Variants in MRPS31 observed in about 807,000 individuals in gnomAD.
MRPS31 encodes the protein small ribosomal subunit protein mS31.
A neutral mutation model predicts 43.1 loss-of-function variants in MRPS31; 32 were observed. The observed-to-expected ratio is 0.74, with a 90% CI of 0.56 to 1.00. MRPS31 has a LOEUF of 1.00. MRPS31 is among the 50% of genes least tolerant of loss of function. The pLI is 0.00. For synonymous variants in MRPS31, 165 were observed against 161.6 expected (o/e 1.02, Z -0.16); for missense variants, 437 against 466.7 (o/e 0.94, Z 0.59).
intron 6 of MRPS31, among the ~76,000 whole-genome samples, chr13:40,737,730 T>C (rs190254519): frequency 0.03 from 4,562 of 152,190 alleles, 173 homozygotes; most frequent in East Asian, 0.14. Context: ...AGATGTTCTT[T>C]GAAACCAACG....
rs139132937 is a variant in MRPS31, at chr13:40,750,000, G to A, written c.815-719C>T. ...AATATATCTATTATTCAACATAGTC[G>A]TTTCATCCCTGGATATATTCACCCA... On this transcript the variant is annotated intron_variant, in intron 5 of 6. Coordinates refer to ENST00000323563, the MANE Select transcript of MRPS31 (RefSeq NM_005830.4). Among the ~76,000 whole-genome samples, 25 of 152,218 alleles carry A rather than the reference G, an allele frequency of 1.6e-4. No individual in the cohort carries two copies. In the East Asian group the frequency reaches 1.9e-3, roughly 12 times the overall value.
chr13:40,737,764 A>C (rs1166585199), intron 6 of MRPS31, among the ~76,000 whole-genome samples: 1 of 152,140 alleles, frequency 6.6e-6, no homozygotes, highest in Non-Finnish European at 1.5e-5. Flanking sequence ...AACAAACCAG[A>C]ATCTCTGGGA....
chr13:40,739,527 G>A (rs940080752), intron 6 of MRPS31, among the ~76,000 whole-genome samples: 1 of 152,118 alleles, frequency 6.6e-6, no homozygotes, highest in African/African-American at 2.4e-5. Context: ...CACACTACCT[G>A]ACTTCAAACT....
At chr13:40,754,349 T>A (rs1409637110) in intron 4 of MRPS31, among the ~76,000 whole-genome samples, 10 of 152,240 alleles carry the variant, frequency 6.6e-5, no homozygotes, top group Admixed American at 1.3e-4. Flanking sequence ...AAGATTAGCT[T>A]AATTTGCCAT....
intron 6 of MRPS31, among the ~76,000 whole-genome samples, chr13:40,734,996 G>C (rs1440046402): frequency 1.1e-4 from 16 of 152,208 alleles, no homozygotes; most frequent in Admixed American, 1.0e-3. Flanking sequence ...GAAGACGGGT[G>C]ATTTCTGCAT....
intron 2 of MRPS31, among the ~76,000 whole-genome samples, chr13:40,763,280 G>A (rs559260275): frequency 1.3e-5 from 2 of 152,280 alleles, no homozygotes; most frequent in East Asian, 3.9e-4. Flanking sequence ...TTCTCAGTGG[G>A]AGTTATTGTA....
intron 6 of MRPS31, among the ~76,000 whole-genome samples, chr13:40,734,480 A>G (rs1293291790): frequency 6.6e-6 from 1 of 152,246 alleles, no homozygotes; most frequent in East Asian, 1.9e-4. Context: ...GAGAGGCTGT[A>G]TGAAATGTAG....
chr13:40,749,779 A>G (rs1444497974), intron 5 of MRPS31, among the ~76,000 whole-genome samples: 19 of 152,196 alleles, frequency 1.2e-4, no homozygotes, highest in Non-Finnish European at 1.5e-4. Context: ...TAATCCTCAC[A>G]ACAAACCCTA....
rs1256305040 is a variant in MRPS31, at chr13:40,754,080, G to A, written c.753C>T (p.Phe251=). 6.3e-7 allele frequency: 1 copy of A among 1,577,610 alleles called. No homozygotes were observed. Among genetic ancestry groups the A allele is most frequent in the Non-Finnish European group, 8.6e-7 (1 of 1,156,870 alleles). Residue 251 remains phenylalanine, a synonymous_variant, in exon 5 of 7, where the codon TTC becomes TTT. Coordinates refer to ENST00000323563, the MANE Select transcript of MRPS31 (RefSeq NM_005830.4). The part of the protein sequence containing the change: ...TDDLKKRKNI[F]TGKRLNIFDM... ...CAAAAATATTAAGTCTTTTCCCTGT[G>A]AATATATTTTTCCTAAGTCCAAAAA...
intron 2 of MRPS31, among the ~76,000 whole-genome samples, chr13:40,759,328 C>T (rs547112637): frequency 7.9e-5 from 12 of 152,060 alleles, no homozygotes; most frequent in Non-Finnish European, 1.6e-4. Context: ...GTGCCGGCTA[C>T]TCGGGAGGCT....
intron 6 of MRPS31, among the ~76,000 whole-genome samples, chr13:40,742,157 TA>T (rs1486736923): frequency 1.9e-4 from 29 of 152,152 alleles, no homozygotes; most frequent in African/African-American, 7.0e-4. Context: ...TAATTTAAAA[TA>T]TTTTTAATAA....
At chr13:40,768,690 G>A (rs1338738085) in intron 1 of MRPS31, among the ~76,000 whole-genome samples, 1 of 152,158 alleles carries the variant, frequency 6.6e-6, no homozygotes, top group Non-Finnish European at 1.5e-5. Flanking sequence ...CTGGCCCACA[G>A]AAATTATCTA....
chr13:40,733,483 G>T (rs575683091), intron 6 of MRPS31, among the ~76,000 whole-genome samples: 3 of 152,226 alleles, frequency 2.0e-5, no homozygotes, highest in Non-Finnish European at 4.4e-5. Flanking sequence ...GAAGTTACTG[G>T]ATTAAAATTA....
chr13:40,746,020 G>A (rs1455585948), intron 6 of MRPS31, among the ~76,000 whole-genome samples: 1 of 152,038 alleles, frequency 6.6e-6, no homozygotes, highest in Non-Finnish European at 1.5e-5. Context: ...ATTCTCAATT[G>A]GAAAAATAAT....
intron 3 of MRPS31, among the ~76,000 whole-genome samples, chr13:40,757,581 A>T (rs921977808): frequency 6.6e-5 from 10 of 150,604 alleles, no homozygotes; most frequent in Non-Finnish European, 1.0e-4. Flanking sequence ...AGTAGCTGAG[A>T]CTACAGGCGT....
At chr13:40,750,578 T>A (rs1307969638) in intron 5 of MRPS31, among the ~76,000 whole-genome samples, 1 of 151,840 alleles carries the variant, frequency 6.6e-6, no homozygotes, top group Admixed American at 6.6e-5. Context: ...TCAATATCTA[T>A]CCCTTGGCTA....
intron 2 of MRPS31, among the ~76,000 whole-genome samples, chr13:40,760,210 GA>G (rs112644725): frequency 6.7e-6 from 1 of 148,816 alleles, no homozygotes; most frequent in Non-Finnish European, 1.5e-5. Flanking sequence ...AATCTGAGGT[GA>G]AAAAAAAATC....
intron 2 of MRPS31, among the ~76,000 whole-genome samples, chr13:40,765,273 G>T (rs1880813283): frequency 6.6e-6 from 1 of 152,134 alleles, no homozygotes; most frequent in Admixed American, 6.5e-5. Flanking sequence ...AGTGGAGCAA[G>T]AATGTAAGAA....
intron 6 of MRPS31, among the ~76,000 whole-genome samples, chr13:40,745,730 T>C (rs774433541): frequency 1.8e-4 from 27 of 152,188 alleles, no homozygotes; most frequent in South Asian, 4.1e-4. Flanking sequence ...ATCATGTTTT[T>C]ATGTTGTATT....
Sources: allele counts gnomAD v4.1 joint callset (sites outside exome capture counted in the v4.1 genomes callset), GRCh38; gene constraint gnomAD v4.1.1; transcripts MANE v1.5; gene names NCBI Gene and HGNC (gene_info 2026-07-23, HGNC 2026-07-21).